Variants in STK26 observed in about 807,000 individuals in gnomAD.
The protein encoded by STK26 is serine/threonine-protein kinase 26.
STK26 carries 14 observed loss-of-function variants against 34.7 expected under a neutral mutation model. That is an observed-to-expected ratio of 0.40 (90% CI 0.27 to 0.63). The LOEUF (loss-of-function observed/expected upper bound fraction) is 0.63, where lower values mean the gene tolerates loss of function less well. Ranked by LOEUF, STK26 falls within the 30% of genes least tolerant of loss-of-function variation. STK26 has a pLI of 0.38. For synonymous variants in STK26, 100 were observed against 109.8 expected (o/e 0.91, Z 0.56); for missense variants, 226 against 309.1 (o/e 0.73, Z 2.02).
At position 132,072,941 on chromosome X, in the gene STK26, T is replaced by C. The variant is rs1218821795; in HGVS notation, c.1090-16T>C. ...AGTATAATATTTTAAATGTTTTAAC[T>C]ATTATTCTTTCTCAGCTTAAACAGC... On this transcript the variant is annotated splice_polypyrimidine_tract_variant and intron_variant, in intron 10 of 11. Transcript: ENST00000394334. 2 of 1,206,515 alleles carry C rather than the reference T, an allele frequency of 1.7e-6. No individual in the cohort carries two copies. Among genetic ancestry groups the C allele is most frequent in the Non-Finnish European group, 2.2e-6 (2 of 893,195 alleles).
intron 2 of STK26, among the ~76,000 whole-genome samples, chrX:132,033,701 T>A (rs187994660): frequency 8.9e-6 from 1 of 111,811 alleles, no homozygotes; most frequent in East Asian, 2.8e-4. Flanking sequence ...AGCCAGAAAA[T>A]TATTAGCAGC....
At chrX:132,068,715 A>C in intron 6 of STK26, 146 bp downstream of exon 6, 1 of 619,129 alleles carries the variant, frequency 1.6e-6, no homozygotes, top group Non-Finnish European at 2.3e-6. Context: ...GCTTAATCAT[A>C]AATTCCCTCA....
At chrX:132,050,094 G>A (rs1417187623) in intron 2 of STK26, among the ~76,000 whole-genome samples, 1 of 110,844 alleles carries the variant, frequency 9.0e-6, no homozygotes, top group East Asian at 2.8e-4. Context: ...CCCACATTTT[G>A]CTCTCTAGGT....
intron 2 of STK26, among the ~76,000 whole-genome samples, chrX:132,047,351 T>C (rs1052580591): frequency 3.6e-5 from 4 of 112,318 alleles, no homozygotes; most frequent in African/African-American, 1.3e-4. Context: ...TGAGCATGCA[T>C]GGTCATTTGA....
intron 6 of STK26, 63 bp from the exon 7 acceptor site, chrX:132,069,415 A>ATG (rs1927330361): frequency 4.9e-5 from 1 of 20,529 alleles, no homozygotes. Context: ...ATACACATAT[A>ATG]TATATATATA....
At chrX:132,063,933 T>C (rs1275417164) in intron 4 of STK26, among the ~76,000 whole-genome samples, 2 of 111,887 alleles carry the variant, frequency 1.8e-5, no homozygotes, top group African/African-American at 6.5e-5. Flanking sequence ...AATGTGATGG[T>C]ATTAGGCGGT....
intron 2 of STK26, among the ~76,000 whole-genome samples, chrX:132,049,845 G>A (rs1387189019): frequency 8.9e-6 from 1 of 111,896 alleles, no homozygotes; most frequent in African/African-American, 3.2e-5. Context: ...TTCATAGTAT[G>A]GGCTTTATTA....
At chrX:132,055,012 C>T (rs1223580542) in intron 3 of STK26, 151 bp downstream of exon 3, 6 of 507,985 alleles carry the variant, frequency 1.2e-5, no homozygotes, top group East Asian at 7.4e-5. Flanking sequence ...CCAAATAAAC[C>T]GTTGTTAGAT....
chrX:132,068,437 A>G lies in STK26; in HGVS notation c.465A>G (p.Gln155=). ...CTGCCAATGTCTTGCTCTCAGAACAAGGAGATGTTAAACTTGCTGATTTTG... is the reference window on the plus strand; with the variant it reads ...CTGCCAATGTCTTGCTCTCAGAACAGGGAGATGTTAAACTTGCTGATTTTG... ...IKAANVLLSE[Q]GDVKLADFGV... is the part of the protein sequence containing the mutation. The change falls in exon 6 of 12, where the codon CAA becomes CAG. Residue 155 remains glutamine (Q), a synonymous_variant. Transcript: ENST00000394334. 1.7e-6 allele frequency: 2 copies of G among 1,210,821 alleles called. No homozygotes were observed. The highest frequency in any genetic ancestry group is 1.1e-6 in the Non-Finnish European group (1 of 895,158).
intron 2 of STK26, among the ~76,000 whole-genome samples, chrX:132,041,512 A>G (rs944058128): frequency 9.0e-5 from 10 of 111,218 alleles, no homozygotes; most frequent in South Asian, 3.7e-4. Flanking sequence ...CACTGTTCCA[A>G]TCATTTTAAT....
At chrX:132,039,402 A>G (rs1056808066) in intron 2 of STK26, among the ~76,000 whole-genome samples, 2 of 111,511 alleles carry the variant, frequency 1.8e-5, no homozygotes, top group African/African-American at 6.5e-5. Context: ...GAATGAATAA[A>G]GAATGTAGTG....
At position 132,054,766 on chromosome X, in the gene STK26, G is replaced by A. The variant is rs751563470; in HGVS notation, c.178G>A (p.Ala60Thr). The change falls in exon 3 of 12, where the codon GCC becomes ACC. Residue 60 changes from alanine (A) to threonine (T), a missense_variant. Physicochemically the swap from Ala to Thr is moderately conservative, Grantham distance 58. Coordinates refer to ENST00000394334, the MANE Select transcript of STK26 (RefSeq NM_016542.4). ...TATTAAAATCATAGACCTTGAGGAA[G>A]CCGAAGATGAAATAGAAGACATTCA... is the stretch of plus-strand genomic sequence containing the variant. Reference protein sequence around the residue: ...VAIKIIDLEEAEDEIEDIQQE... With the variant: ...VAIKIIDLEETEDEIEDIQQE... 8.3e-7 allele frequency: 1 copy of A among 1,211,285 alleles called. No individual in the cohort carries two copies. Among genetic ancestry groups the A allele is most frequent in the East Asian group, 3.0e-5 (1 of 33,831 alleles).
At chrX:132,024,934 AAG>A (rs10555999) in intron 2 of STK26, among the ~76,000 whole-genome samples, 1 of 109,824 alleles carries the variant, frequency 9.1e-6, no homozygotes, top group Non-Finnish European at 1.9e-5. Context: ...ATATTAAATA[AAG>A]AGAGAGAGAG....
intron 2 of STK26, among the ~76,000 whole-genome samples, chrX:132,042,528 ATACT>A (rs987429875): frequency 5.4e-5 from 6 of 111,387 alleles, no homozygotes; most frequent in Admixed American, 4.8e-4. Context: ...ACACACACAC[ATACT>A]TACCATTTTA....
At chrX:132,032,955 C>T (rs774171582) in intron 2 of STK26, among the ~76,000 whole-genome samples, 4 of 111,482 alleles carry the variant, frequency 3.6e-5, no homozygotes, top group Non-Finnish European at 7.5e-5. Flanking sequence ...TTTGAAAATG[C>T]ATTTTTGAGT....
At chrX:132,044,708 GATCTATATATATATTTATATATATAT>G (rs1308534240) in intron 2 of STK26, among the ~76,000 whole-genome samples, 3,216 of 66,351 alleles carry the variant, frequency 0.048, 389 homozygotes, top group African/African-American at 0.085. Context: ...GAGAGAGAGA[GATCTATATATATATTTATATATATAT>G]AGAGAGATCT....
rs1347563411 is a variant in STK26 at position 132,075,897 on chromosome X, T to C, written c.*1738T>C. The C allele has an allele frequency of 8.9e-6, 1 of 111,937 alleles. No individual in the cohort carries two copies. Among genetic ancestry groups the C allele is most frequent in the Non-Finnish European group, 1.9e-5 (1 of 53,008 alleles). 9.2% of individuals were successfully genotyped at this position (111,937 alleles called of 1,213,427 possible). On this transcript the variant is annotated 3_prime_UTR_variant, in exon 12 of 12. Coordinates refer to ENST00000394334, the MANE Select transcript of STK26 (RefSeq NM_016542.4). ...TAATCTGTTTCTAGGTGAAGCATACTCCAGTGTTTTAGGGGTTTTGAAAAT... is the reference window on the plus strand; with the variant it reads ...TAATCTGTTTCTAGGTGAAGCATACCCCAGTGTTTTAGGGGTTTTGAAAAT...
At chrX:132,052,768 G>A (rs1014708558) in intron 2 of STK26, among the ~76,000 whole-genome samples, 1 of 111,896 alleles carries the variant, frequency 8.9e-6, no homozygotes, top group Admixed American at 9.5e-5. Flanking sequence ...ACACTTCCCA[G>A]AATGTCTTAT....
intron 3 of STK26, chrX:132,055,456 G>T (rs1340277507): frequency 8.7e-7 from 1 of 1,153,770 alleles, no homozygotes; most frequent in East Asian, 3.3e-5. Context: ...CTGGTTCCAG[G>T]ATCATGGGAT....
Sources: gnomAD v4.1 joint callset for allele counts (sites outside exome capture counted in the v4.1 genomes callset) on GRCh38, gnomAD v4.1.1 for gene constraint, MANE v1.5 for transcripts, NCBI Gene and HGNC (gene_info 2026-07-23, HGNC 2026-07-21) for gene names.